CLVS1: variants seen among roughly 807,000 people sequenced by gnomAD.
CLVS1 encodes the protein clavesin 1.
A neutral mutation model predicts 33.1 loss-of-function variants in CLVS1; 10 were observed. The observed-to-expected ratio is 0.30, with a 90% CI of 0.19 to 0.51. The LOEUF (loss-of-function observed/expected upper bound fraction) is 0.51. CLVS1 is among the 20% of genes least tolerant of loss of function. The pLI is 0.97. For synonymous variants in CLVS1, 163 were observed against 166.1 expected, an observed-to-expected ratio of 0.98 and a Z score of 0.14; for missense variants, 343 against 433.4, an observed-to-expected ratio of 0.79 and a Z score of 1.85.
chr8:60,971,346 TG>T, the CLVS1 span, among the ~76,000 whole-genome samples: 2 of 152,218 alleles, frequency 1.3e-5, no homozygotes, highest in Admixed American at 6.5e-5. Flanking sequence ...TCCGAAGTGC[TG>T]GGATTACAGA....
At chr8:61,280,527 A>T (rs909727691) in intron 2 of CLVS1, among the ~76,000 whole-genome samples, 1 of 152,262 alleles carries the variant, frequency 6.6e-6, no homozygotes, top group Non-Finnish European at 1.5e-5. Flanking sequence ...TAATTTAGGC[A>T]TGTTACTTAA....
chr8:61,211,202 G>A (rs1357923767), intron 2 of CLVS1, among the ~76,000 whole-genome samples: 2 of 152,090 alleles, frequency 1.3e-5, no homozygotes, highest in Non-Finnish European at 2.9e-5. Flanking sequence ...AATGGGCTGA[G>A]GAGTGAAGGT....
chr8:61,355,830 T>C (rs2129599433), intron 2 of CLVS1, among the ~76,000 whole-genome samples: 1 of 152,304 alleles, frequency 6.6e-6, no homozygotes. Flanking sequence ...ACATTTGGGT[T>C]GGTTCCAAGT....
intron 1 of CLVS1, among the ~76,000 whole-genome samples, chr8:61,094,893 G>A (rs1805320119): frequency 6.6e-6 from 1 of 152,184 alleles, no homozygotes; most frequent in Admixed American, 6.5e-5. Context: ...AGCCCTAGCA[G>A]ACTAACACAG....
intron 1 of CLVS1, among the ~76,000 whole-genome samples, chr8:61,288,659 G>T (rs1010123176): frequency 6.6e-5 from 10 of 152,200 alleles, no homozygotes; most frequent in African/African-American, 1.9e-4. Flanking sequence ...CAGCAGATTA[G>T]GGTCTGTTTA....
intron 2 of CLVS1, among the ~76,000 whole-genome samples, chr8:61,341,091 A>G (rs1239055037): frequency 2.0e-5 from 3 of 152,228 alleles, no homozygotes; most frequent in Non-Finnish European, 4.4e-5. Flanking sequence ...ATAAAAACAT[A>G]CCTTTAATGC....
chr8:61,301,462 A>C (rs1810429558), intron 2 of CLVS1, among the ~76,000 whole-genome samples: 1 of 152,124 alleles, frequency 6.6e-6, no homozygotes, highest in African/African-American at 2.4e-5. Context: ...CTGTTTTCTC[A>C]GGCGCCCCAC....
intron 3 of CLVS1, among the ~76,000 whole-genome samples, chr8:61,427,768 AC>A (rs1815948750): frequency 6.6e-6 from 1 of 152,240 alleles, no homozygotes; most frequent in South Asian, 2.1e-4. Context: ...ATGTGATGTC[AC>A]ATTCTCAAAG....
chr8:61,140,149 G>C (rs1806280610), intron 2 of CLVS1, among the ~76,000 whole-genome samples: 2 of 152,204 alleles, frequency 1.3e-5, no homozygotes, highest in Admixed American at 6.5e-5. Context: ...GTCACTGTGA[G>C]ATCTCCTTCC....
At position 61,394,630 on chromosome 8, in the gene CLVS1, G is replaced by A. The variant is rs1814444413; in HGVS notation, c.630+17851G>A. Among the ~76,000 whole-genome samples, 3 of 152,078 alleles carry A rather than the reference G, an allele frequency of 2.0e-5. No individual in the cohort carries two copies. In the South Asian group the frequency reaches 6.2e-4, roughly 32 times the overall value. On this transcript the variant is annotated intron_variant, in intron 3 of 5. Coordinates refer to ENST00000325897, the MANE Select transcript of CLVS1 (RefSeq NM_173519.3). Reference sequence around the variant, plus strand: ...AGTTGGGGAAAGCCAGCGGTGACAGGCCTCACCCAGCTCCCATGCAGCCAG... The same window carrying A: ...AGTTGGGGAAAGCCAGCGGTGACAGACCTCACCCAGCTCCCATGCAGCCAG...
At chr8:61,064,538 T>C (rs1804640569) in intron 1 of CLVS1, among the ~76,000 whole-genome samples, 1 of 61,604 alleles carries the variant, frequency 1.6e-5, no homozygotes, top group Admixed American at 2.1e-4. Context: ...TCTTTGCCCA[T>C]TTTTTTTTTT....
intron 2 of CLVS1, among the ~76,000 whole-genome samples, chr8:61,135,391 C>T (rs563843475): frequency 2.6e-5 from 4 of 152,192 alleles, no homozygotes; most frequent in Admixed American, 1.3e-4. Flanking sequence ...CAGGGCTGAG[C>T]GCTTGATTCT....
intron 2 of CLVS1, among the ~76,000 whole-genome samples, chr8:61,174,560 C>T (rs1482544809): frequency 2.6e-5 from 4 of 152,202 alleles, no homozygotes; most frequent in Non-Finnish European, 5.9e-5. Context: ...CCAGCTAGAA[C>T]TCTCTAGCTA....
intron 3 of CLVS1, among the ~76,000 whole-genome samples, chr8:61,424,211 A>G (rs1359018301): frequency 6.6e-6 from 1 of 152,236 alleles, no homozygotes; most frequent in Non-Finnish European, 1.5e-5. Flanking sequence ...TTGCTTCATT[A>G]GTGCCTCTCA....
In CLVS1 at chr8:61,393,888, T is replaced by C. The variant is rs563269269; in HGVS notation, c.630+17109T>C. ...CACTGGTTTTCTCAAATGATGGTTATGCTAGCAGGGAAGTTGTCACCTGCT... is the reference window on the plus strand; with the variant it reads ...CACTGGTTTTCTCAAATGATGGTTACGCTAGCAGGGAAGTTGTCACCTGCT... On this transcript the variant is annotated intron_variant, in intron 3 of 5. Coordinates refer to ENST00000325897, the MANE Select transcript of CLVS1 (RefSeq NM_173519.3). 4.6e-5 allele frequency among the ~76,000 whole-genome samples: 7 copies of C among 152,284 alleles called. No homozygotes were observed. In the East Asian group the frequency reaches 7.7e-4, roughly 17 times the overall value.
At chr8:61,463,943 G>T (rs552173148) in intron 5 of CLVS1, among the ~76,000 whole-genome samples, 1 of 151,928 alleles carries the variant, frequency 6.6e-6, no homozygotes, top group East Asian at 1.9e-4. Context: ...TTTTGCGGTG[G>T]GTGCCTATAG....
At chr8:61,337,468 G>C (rs754632627) in intron 2 of CLVS1, among the ~76,000 whole-genome samples, 29 of 152,228 alleles carry the variant, frequency 1.9e-4, no homozygotes, top group Middle Eastern at 3.4e-3. Flanking sequence ...CCCTCTCCCT[G>C]ACTTGCGCAG....
chr8:61,090,702 A>G (rs1442640730), intron 1 of CLVS1, among the ~76,000 whole-genome samples: 1 of 152,154 alleles, frequency 6.6e-6, no homozygotes, highest in Non-Finnish European at 1.5e-5. Flanking sequence ...GTCTATAACA[A>G]TTTTGCTATG....
At chr8:61,215,127 T>C (rs1036688262) in intron 2 of CLVS1, among the ~76,000 whole-genome samples, 4 of 152,256 alleles carry the variant, frequency 2.6e-5, no homozygotes, top group East Asian at 3.9e-4. Context: ...TTCTGAAGTT[T>C]TATGGTCAAA....
Sources: gnomAD v4.1 joint callset for allele counts (sites outside exome capture counted in the v4.1 genomes callset) on GRCh38, gnomAD v4.1.1 for gene constraint, MANE v1.5 for transcripts, NCBI Gene and HGNC (gene_info 2026-07-23, HGNC 2026-07-21) for gene names.